Variants in RPTOR observed in about 807,000 individuals in gnomAD.
RPTOR encodes regulatory-associated protein of mTOR.
In RPTOR, 21 loss-of-function variants were observed where a neutral mutation model predicts 169.9. That is an observed-to-expected ratio of 0.12 (90% CI 0.09 to 0.18). RPTOR has a LOEUF of 0.18. RPTOR is among the 10% of genes least tolerant of loss of function. The pLI, the probability that RPTOR is intolerant of heterozygous loss-of-function variation, is 1.00. For synonymous variants in RPTOR, 732 were observed against 753.2 expected, an observed-to-expected ratio of 0.97 and a Z score of 0.46; for missense variants, 1,133 against 1,855.9, an observed-to-expected ratio of 0.61 and a Z score of 7.16.
intron 3 of RPTOR, among the ~76,000 whole-genome samples, chr17:80,672,707 G>A (rs976782009): frequency 2.6e-5 from 4 of 151,984 alleles, no homozygotes; most frequent in African/African-American, 7.2e-5. Context: ...GGAGAATGGC[G>A]TGAACTTGGG....
intron 5 of RPTOR, among the ~76,000 whole-genome samples, chr17:80,753,416 C>T (rs1567894136): frequency 1.3e-5 from 2 of 151,926 alleles, no homozygotes; most frequent in Admixed American, 6.6e-5. Context: ...GGGCGGATCA[C>T]GAGGTCAGGA....
At chr17:80,890,280 A>G (rs563950889) in intron 17 of RPTOR, among the ~76,000 whole-genome samples, 1 of 152,290 alleles carries the variant, frequency 6.6e-6, no homozygotes, top group African/African-American at 2.4e-5. Context: ...AAGGAAAGGG[A>G]AAAAAATCGG....
intron 1 of RPTOR, chr17:80,593,916 C>A (rs918443708): frequency 6.6e-6 from 1 of 152,262 alleles, no homozygotes; most frequent in Non-Finnish European, 1.5e-5. Context: ...TGGGAAGGGG[C>A]GTCTTTGGAC....
chr17:80,929,806 G>A (rs974560476), intron 24 of RPTOR, among the ~76,000 whole-genome samples: 18 of 152,190 alleles, frequency 1.2e-4, no homozygotes, highest in South Asian at 6.2e-4. Context: ...TTCCGGTCCC[G>A]CTTTTCTCAC....
At chr17:80,585,614 G>A (rs1346537986) in intron 1 of RPTOR, among the ~76,000 whole-genome samples, 1 of 152,230 alleles carries the variant, frequency 6.6e-6, no homozygotes, top group African/African-American at 2.4e-5. Context: ...CTTGCGTAGG[G>A]TGGTCCTGAG....
At chr17:80,904,340 C>T (rs899658418) in intron 20 of RPTOR, among the ~76,000 whole-genome samples, 1 of 152,202 alleles carries the variant, frequency 6.6e-6, no homozygotes, top group Non-Finnish European at 1.5e-5. Flanking sequence ...AGGGCGTAAC[C>T]CGCTCTGCCA....
Position 80,646,992 on chromosome 17 carries a change from C to T in RPTOR, c.348+3182C>T, listed in dbSNP as rs2065601039. On this transcript the variant is annotated intron_variant, in intron 3 of 33. Coordinates refer to ENST00000306801, the MANE Select transcript of RPTOR (RefSeq NM_020761.3). This position sits in a 1 kb window ranked among gnomAD's most constrained non-coding sequence, Gnocchi z 5.0. ...GTGTCTGGAAGCCTCTGATGATTTC[C>T]TTGCTGGTGCTGGAACGCTTGGACT... is the stretch of plus-strand genomic sequence containing the variant. 6.6e-6 allele frequency among the ~76,000 whole-genome samples: 1 copy of T among 152,158 alleles called. No homozygotes were observed. The highest frequency in any genetic ancestry group is 2.1e-4 in the South Asian group (1 of 4,820).
chr17:80,799,354 G>A (rs963415702), intron 7 of RPTOR, among the ~76,000 whole-genome samples: 2 of 152,170 alleles, frequency 1.3e-5, no homozygotes, highest in African/African-American at 4.8e-5. Context: ...ACGCACATTC[G>A]GAACAGATCG....
rs752022452 is a variant in RPTOR at position 80,936,258 on chromosome 17, C to G, written c.2920-4238C>G. On this transcript the variant is annotated intron_variant, in intron 24 of 33. Transcript: ENST00000306801. The surrounding 1 kb of genome is among the most constrained non-coding windows in gnomAD (Gnocchi z 4.1). ...AAACCCTCATTCTTGGCTACTGCAA[C>G]TACAAGATGCTACAGACACCTTGGA... is the stretch of plus-strand genomic sequence containing the variant. Among the ~76,000 whole-genome samples the G allele has an allele frequency of 6.6e-6, 1 of 152,224 alleles. No individual in the cohort carries two copies. The highest frequency in any genetic ancestry group is 1.5e-5 in the Non-Finnish European group (1 of 68,046).
chr17:80,569,562 A>C (rs942672113), intron 1 of RPTOR, among the ~76,000 whole-genome samples: 1 of 152,134 alleles, frequency 6.6e-6, no homozygotes, highest in Non-Finnish European at 1.5e-5. Context: ...TAAATAAATA[A>C]AAGCAGGTCT....
At chr17:80,799,211 C>T (rs1021773377) in intron 7 of RPTOR, among the ~76,000 whole-genome samples, 15 of 152,308 alleles carry the variant, frequency 9.8e-5, no homozygotes, top group African/African-American at 2.2e-4. Flanking sequence ...AACAGGCTCT[C>T]GTGCTTAGTC....
chr17:80,822,943 G>A, intron 8 of RPTOR, 136 bp from the exon 9 acceptor site: 3 of 872,264 alleles, frequency 3.4e-6, no homozygotes, highest in Non-Finnish European at 5.3e-6. Flanking sequence ...TTAAGCGTGT[G>A]TGTGTGTTGC....
intron 4 of RPTOR, among the ~76,000 whole-genome samples, chr17:80,723,281 T>C (rs1258791991): frequency 6.6e-6 from 1 of 151,194 alleles, no homozygotes; most frequent in Non-Finnish European, 1.5e-5. Flanking sequence ...CTCCTTAAAC[T>C]GCCATGCCCT....
rs375987259 is a variant in RPTOR at position 80,936,300 on chromosome 17, TTACAAAGTTAAACG to T, written c.2920-4193_2920-4180del. Among the ~76,000 whole-genome samples, 16 of 152,236 alleles carry T rather than the reference TTACAAAGTTAAACG, an allele frequency of 1.1e-4. No individual in the cohort carries two copies. Among genetic ancestry groups the T allele is most frequent in the African/African-American group, 3.9e-4 (16 of 41,458 alleles). On this transcript the variant is annotated intron_variant, in intron 24 of 33. Transcript: ENST00000306801. The surrounding 1 kb of genome is among the most constrained non-coding windows in gnomAD (Gnocchi z 4.1). ...CACCTTGGAAAAGGTTGTCAGTTTC[TTACAAAGTTAAACG>T]TATGCCTACCATGCAACCTAACCAT... is the stretch of plus-strand genomic sequence containing the variant.
At chr17:80,756,494 G>A (rs1410640681) in intron 6 of RPTOR, among the ~76,000 whole-genome samples, 2 of 152,186 alleles carry the variant, frequency 1.3e-5, no homozygotes, top group East Asian at 1.9e-4. Flanking sequence ...GAGAAGAATT[G>A]TAATGGCCCC....
chr17:80,770,710 C>T (rs2066834144), intron 6 of RPTOR, among the ~76,000 whole-genome samples: 1 of 152,222 alleles, frequency 6.6e-6, no homozygotes, highest in Admixed American at 6.5e-5. Flanking sequence ...CTTCAACCTG[C>T]AATTCCTACT....
intron 13 of RPTOR, among the ~76,000 whole-genome samples, chr17:80,877,521 T>C (rs1385962898): frequency 6.6e-6 from 1 of 152,176 alleles, no homozygotes; most frequent in Non-Finnish European, 1.5e-5. Flanking sequence ...AATTCAGAAT[T>C]AGTGAGATTT....
At chr17:80,649,284 A>G (rs1227649352) in intron 3 of RPTOR, among the ~76,000 whole-genome samples, 1 of 152,218 alleles carries the variant, frequency 6.6e-6, no homozygotes, top group East Asian at 1.9e-4. Context: ...TTGCGACATT[A>G]GTTCCAAATT....
intron 20 of RPTOR, among the ~76,000 whole-genome samples, chr17:80,906,762 C>T (rs2068547762): frequency 6.6e-6 from 1 of 152,080 alleles, no homozygotes; most frequent in Non-Finnish European, 1.5e-5. Context: ...GCAGCGTGAC[C>T]TCCTAGATGG....
Sources: gnomAD v4.1 joint callset for allele counts (sites outside exome capture counted in the v4.1 genomes callset) on GRCh38, gnomAD v4.1.1 for gene constraint, Gnocchi (gnomAD v3.1) non-coding constraint, MANE v1.5 for transcripts, NCBI Gene and HGNC (gene_info 2026-07-23, HGNC 2026-07-21) for gene names.